NBAS: variants seen among roughly 807,000 people sequenced by gnomAD.
NBAS encodes the protein NAG/BC035112 fusion.
A neutral mutation model predicts 302.5 loss-of-function variants in NBAS; 219 were observed. That is an observed-to-expected ratio of 0.72 (90% CI 0.65 to 0.81). The LOEUF (loss-of-function observed/expected upper bound fraction) is 0.81, where lower values mean the gene tolerates loss of function less well. NBAS is among the 30% of genes least tolerant of loss of function. The pLI, the probability that NBAS is intolerant of heterozygous loss-of-function variation, is 0.00. For synonymous variants in NBAS, 1,118 were observed against 1,021.6 expected (o/e 1.09, Z -1.80); for missense variants, 2,932 against 2,841.6 (o/e 1.03, Z -0.72).
chr2:15,147,549 A>G, the NBAS span, among the ~76,000 whole-genome samples: 1 of 152,058 alleles, frequency 6.6e-6, no homozygotes, highest in South Asian at 2.1e-4. Context: ...CCAAGATCGC[A>G]CCATTGCACT....
the NBAS span, among the ~76,000 whole-genome samples, chr2:15,039,514 T>TC: frequency 0.02 from 3,050 of 152,282 alleles, 136 homozygotes; most frequent in East Asian, 0.1. Flanking sequence ...TCAAATCCTA[T>TC]CCCAGGAGCC....
intron 35 of NBAS, among the ~76,000 whole-genome samples, chr2:15,349,342 A>AT (rs2148291609): frequency 6.6e-6 from 1 of 152,358 alleles, no homozygotes; most frequent in East Asian, 1.9e-4. Flanking sequence ...ACTGTTCTGA[A>AT]TCCCACAGAG....
At chr2:15,343,423 C>T (rs1672948091) in intron 35 of NBAS, among the ~76,000 whole-genome samples, 1 of 151,986 alleles carries the variant, frequency 6.6e-6, no homozygotes, top group Non-Finnish European at 1.5e-5. Flanking sequence ...AATTCCAGAG[C>T]ACATGGGGAA....
At chr2:15,551,921 G>C (rs1664403204) in intron 5 of NBAS, among the ~76,000 whole-genome samples, 1 of 152,108 alleles carries the variant, frequency 6.6e-6, no homozygotes, top group Non-Finnish European at 1.5e-5. Flanking sequence ...AGAACCACTG[G>C]TCTGTATCAT....
chr2:14,810,320 G>A, the NBAS span, among the ~76,000 whole-genome samples: 1 of 152,168 alleles, frequency 6.6e-6, no homozygotes, highest in Non-Finnish European at 1.5e-5. Flanking sequence ...GAAGGAACCT[G>A]GTGGGATGTA....
the NBAS span, among the ~76,000 whole-genome samples, chr2:15,017,085 T>C: frequency 6.6e-6 from 1 of 152,064 alleles, no homozygotes; most frequent in Non-Finnish European, 1.5e-5. Context: ...CTTCAACAAA[T>C]AATACTGGGA....
At chr2:15,105,644 G>A in the NBAS span, among the ~76,000 whole-genome samples, 13 of 152,046 alleles carry the variant, frequency 8.6e-5, 1 homozygote, top group Admixed American at 7.2e-4. Flanking sequence ...GAACAAAAAT[G>A]CGTTTCCAAT....
At chr2:15,204,808 A>G (rs1666063327) in intron 48 of NBAS, among the ~76,000 whole-genome samples, 1 of 152,196 alleles carries the variant, frequency 6.6e-6, no homozygotes, top group Non-Finnish European at 1.5e-5. Flanking sequence ...GAATTGAACA[A>G]TGAGAACACT....
At chr2:15,352,104 T>C (rs1673390705) in intron 34 of NBAS, 23 bp from the exon 35 acceptor site, 1 of 1,521,118 alleles carries the variant, frequency 6.6e-7, no homozygotes, top group South Asian at 1.1e-5. Flanking sequence ...TAGGCTATAT[T>C]GTAAAGGAGT....
At chr2:15,154,412 C>T in the NBAS span, among the ~76,000 whole-genome samples, 4 of 152,136 alleles carry the variant, frequency 2.6e-5, no homozygotes, top group African/African-American at 4.8e-5. Flanking sequence ...GCATAGACAT[C>T]GGTGGTTTGT....
chr2:15,205,971 G>A (rs1306000913), intron 48 of NBAS, among the ~76,000 whole-genome samples: 1 of 152,158 alleles, frequency 6.6e-6, no homozygotes, highest in East Asian at 1.9e-4. Context: ...AGATAGTGGG[G>A]CACTGATATA....
At chr2:15,081,834 C>A in the NBAS span, among the ~76,000 whole-genome samples, 1 of 152,140 alleles carries the variant, frequency 6.6e-6, no homozygotes, top group Non-Finnish European at 1.5e-5. Context: ...GGAAGGATGG[C>A]CTTTTGGTCC....
intron 48 of NBAS, among the ~76,000 whole-genome samples, chr2:15,206,302 C>T (rs998201483): frequency 1.3e-5 from 2 of 152,018 alleles, no homozygotes; most frequent in African/African-American, 4.8e-5. Context: ...CAAGATGTGA[C>T]CTGGTTTTTT....
intron 28 of NBAS, among the ~76,000 whole-genome samples, chr2:15,388,650 A>C (rs1675431545): frequency 6.6e-6 from 1 of 152,202 alleles, no homozygotes; most frequent in Admixed American, 6.5e-5. Context: ...CAAGTGAAGG[A>C]CAGAAATATG....
chr2:15,354,003 T>C (rs775370998), intron 33 of NBAS, among the ~76,000 whole-genome samples: 5 of 152,192 alleles, frequency 3.3e-5, no homozygotes, highest in South Asian at 2.1e-4. Flanking sequence ...TTTGGTGTTC[T>C]GTGAAAAGGC....
the NBAS span, among the ~76,000 whole-genome samples, chr2:15,055,153 A>G: frequency 6.6e-6 from 1 of 152,174 alleles, no homozygotes; most frequent in African/African-American, 2.4e-5. Flanking sequence ...GAAGAGAAGG[A>G]AAGCAAGGGG....
At chr2:15,243,755 G>C (rs971029486) in intron 44 of NBAS, among the ~76,000 whole-genome samples, 7 of 152,138 alleles carry the variant, frequency 4.6e-5, no homozygotes, top group Admixed American at 1.3e-4. Context: ...ATGAAGTACT[G>C]TCCAGATCGG....
the NBAS span, among the ~76,000 whole-genome samples, chr2:14,805,764 C>G: frequency 6.6e-6 from 1 of 152,134 alleles, no homozygotes; most frequent in African/African-American, 2.4e-5. Context: ...TCTTAGCATG[C>G]CATTTTTCTC....
chr2:15,025,743 TTTCTGATTTGG>T, the NBAS span, among the ~76,000 whole-genome samples: 2 of 152,192 alleles, frequency 1.3e-5, no homozygotes, highest in Non-Finnish European at 2.9e-5. Flanking sequence ...AGAGATTGCA[TTTCTGATTTGG>T]CTCTCGGCTT....
Sources: allele counts gnomAD v4.1 joint callset (sites outside exome capture counted in the v4.1 genomes callset), GRCh38; gene constraint gnomAD v4.1.1; transcripts MANE v1.5; gene names NCBI Gene and HGNC (gene_info 2026-07-23, HGNC 2026-07-21).